Variants in CFAP57 observed in about 807,000 individuals in gnomAD.
CFAP57 encodes cilia and flagella associated protein 57, also known as cilia- and flagella-associated protein 57.
Under a neutral mutation model 146.8 loss-of-function variants are expected in CFAP57, and 116 were observed. The observed-to-expected ratio is 0.79, with a 90% CI of 0.68 to 0.92. CFAP57 has a LOEUF of 0.92. Among genes scored for constraint, CFAP57 ranks in the 40% least tolerant of loss-of-function variants. The pLI is 0.00. For synonymous variants in CFAP57, 518 were observed against 552.8 expected (o/e 0.94, Z 0.88); for missense variants, 1,377 against 1,527.2 (o/e 0.90, Z 1.64).
At chr1:43,223,059 G>A (rs1645110019) in intron 16 of CFAP57, 62 bp downstream of exon 16, 10 of 1,491,916 alleles carry the variant, frequency 6.7e-6, no homozygotes, top group Non-Finnish European at 9.0e-6. Flanking sequence ...AAGCTGGGGT[G>A]GGTGGACTGA....
At chr1:43,193,785 T>C (rs1643692100) in intron 6 of CFAP57, among the ~76,000 whole-genome samples, 1 of 152,020 alleles carries the variant, frequency 6.6e-6, no homozygotes, top group African/African-American at 2.4e-5. Flanking sequence ...TATATATTTA[T>C]AGTCTTTTTA....
rs145243307 is a variant in CFAP57 at position 43,212,569 on chromosome 1, A to G, written c.1929+2653A>G. 1.8e-3 allele frequency among the ~76,000 whole-genome samples: 271 copies of G among 152,308 alleles called. 3 individuals carry two copies. The highest frequency in any genetic ancestry group is 0.017 in the Admixed American group (257 of 15,298). On this transcript the variant is annotated intron_variant, in intron 11 of 22. Coordinates refer to ENST00000372492, the MANE Select transcript of CFAP57 (RefSeq NM_001378189.1). ...GGGAGCATTTCAAGTCCTGTCTTCT[A>G]GCAATTTAAAAATATACAATATATT...
intron 6 of CFAP57, among the ~76,000 whole-genome samples, chr1:43,187,894 C>T (rs996393228): frequency 5.9e-5 from 9 of 152,174 alleles, no homozygotes; most frequent in African/African-American, 2.2e-4. Flanking sequence ...GCCTTGACCT[C>T]CTGGGCTCCA....
intron 9 of CFAP57, among the ~76,000 whole-genome samples, chr1:43,200,072 C>T (rs1644050392): frequency 6.6e-6 from 1 of 151,522 alleles, no homozygotes; most frequent in South Asian, 2.1e-4. Flanking sequence ...ATTACTTTGG[C>T]AGCAGAGTGA....
At chr1:43,239,386 C>T (rs1435166791) in intron 21 of CFAP57, among the ~76,000 whole-genome samples, 1 of 151,576 alleles carries the variant, frequency 6.6e-6, no homozygotes, top group East Asian at 1.9e-4. Context: ...GGGTCAGGAA[C>T]AGGCATTCAC....
At chr1:43,186,370 GGAAGGCC>G (rs1173304219) in intron 5 of CFAP57, among the ~76,000 whole-genome samples, 21 of 152,176 alleles carry the variant, frequency 1.4e-4, no homozygotes, top group African/African-American at 4.3e-4. Flanking sequence ...CCAGCACTTT[GGAAGGCC>G]GAGGCGGGCG....
intron 2 of CFAP57, among the ~76,000 whole-genome samples, chr1:43,180,239 A>ATATATATATATATAT (rs779998085): frequency 3.4e-5 from 5 of 145,004 alleles, no homozygotes; most frequent in South Asian, 4.3e-4. Context: ...ATATATATAT[A>ATATATATATATATAT]AAATATATAT....
intron 6 of CFAP57, among the ~76,000 whole-genome samples, chr1:43,191,142 AT>A (rs1247168242): frequency 1.1e-4 from 16 of 151,822 alleles, no homozygotes; most frequent in Admixed American, 3.3e-4. Flanking sequence ...CTCTTTACCT[AT>A]TTTCATCTAT....
chr1:43,188,012 C>G (rs1643261812), intron 6 of CFAP57, among the ~76,000 whole-genome samples: 1 of 152,090 alleles, frequency 6.6e-6, no homozygotes, highest in Non-Finnish European at 1.5e-5. Context: ...CCATGTTTCC[C>G]AGGCTGGTCT....
At chr1:43,228,108 C>T (rs1389266733) in intron 18 of CFAP57, among the ~76,000 whole-genome samples, 1 of 152,178 alleles carries the variant, frequency 6.6e-6, no homozygotes, top group Non-Finnish European at 1.5e-5. Context: ...CCAGTGGGGT[C>T]CCATCCCACC....
chr1:43,176,576 G>C (rs1352477122), intron 2 of CFAP57, among the ~76,000 whole-genome samples: 1 of 152,194 alleles, frequency 6.6e-6, no homozygotes, highest in Admixed American at 6.5e-5. Context: ...CAACAAAAAT[G>C]TATTAAGTAC....
At chr1:43,200,861 AG>A (rs1167223944) in intron 9 of CFAP57, among the ~76,000 whole-genome samples, 2 of 152,244 alleles carry the variant, frequency 1.3e-5, no homozygotes, top group African/African-American at 4.8e-5. Context: ...AACAACGGAA[AG>A]GATTTAAGCA....
intron 16 of CFAP57, among the ~76,000 whole-genome samples, chr1:43,223,508 A>C (rs1645130685): frequency 6.6e-6 from 1 of 152,198 alleles, no homozygotes; most frequent in African/African-American, 2.4e-5. Flanking sequence ...TTCACTCACC[A>C]TCAGGGGTGA....
At chr1:43,222,072 C>A in intron 14 of CFAP57, 33 bp from the exon 15 acceptor site, 1 of 1,517,126 alleles carries the variant, frequency 6.6e-7, no homozygotes, top group Non-Finnish European at 8.9e-7. Flanking sequence ...GTGCTGCTCT[C>A]CCACCTTAAA....
rs1257158414 is a variant in CFAP57 at position 43,172,730 on chromosome 1, A to G, written c.-19-5A>G. The G allele has an allele frequency of 6.2e-7, 1 of 1,613,584 alleles. No homozygotes were observed. Among genetic ancestry groups the G allele is most frequent in the Admixed American group, 1.7e-5 (1 of 60,000 alleles). On this transcript the variant is annotated splice_polypyrimidine_tract_variant and splice_region_variant and intron_variant, in intron 1 of 22. Transcript: ENST00000372492. ...ACTCTGAAGCGCTGCCTTGGTCTTC[A>G]GCAGAACTGTTTGGCGGGAGATCAT...
chr1:43,209,600 G>C (rs41312629), intron 10 of CFAP57, 143 bp from the exon 11 acceptor site: 4 of 774,930 alleles, frequency 5.2e-6, no homozygotes, highest in Non-Finnish European at 8.5e-6. Context: ...GCACTATACC[G>C]GATGCCAAAA....
chr1:43,178,982 A>T (rs1029546379), intron 2 of CFAP57, among the ~76,000 whole-genome samples: 1 of 152,188 alleles, frequency 6.6e-6, no homozygotes, highest in Non-Finnish European at 1.5e-5. Context: ...CATGCCCTTT[A>T]TAGGGATACA....
At chr1:43,252,575 G>C (rs1341834208) in intron 22 of CFAP57, among the ~76,000 whole-genome samples, 1 of 151,786 alleles carries the variant, frequency 6.6e-6, no homozygotes, top group African/African-American at 2.4e-5. Flanking sequence ...ACAATCAAAA[G>C]TCATTAAATA....
chr1:43,221,411 C>T lies in CFAP57; in HGVS notation c.2287C>T (p.His763Tyr). The T allele has an allele frequency of 1.3e-6, 2 of 1,543,276 alleles. No individual in the cohort carries two copies. The highest frequency in any genetic ancestry group is 1.7e-6 in the Non-Finnish European group (2 of 1,142,940). Residue 763 changes from histidine (H) to tyrosine (Y), a missense_variant, in exon 14 of 23, where the codon CAT becomes TAT. By Grantham distance (83) the His-to-Tyr change is moderately conservative (BLOSUM62 2). Coordinates refer to ENST00000372492, the MANE Select transcript of CFAP57 (RefSeq NM_001378189.1). ...TEKEKQDVYH[H>Y]EHIEDLLDKQ... ...AAAAGAGAAGCAGGATGTTTATCAC[C>T]ATGAGCACATAGAAGACCTCCTAGA...
Sources: allele counts gnomAD v4.1 joint callset (sites outside exome capture counted in the v4.1 genomes callset), GRCh38; gene constraint gnomAD v4.1.1; transcripts MANE v1.5; gene names NCBI Gene and HGNC (gene_info 2026-07-23, HGNC 2026-07-21).